The following PRMT9 variants were observed in gnomAD, a reference collection of about 807,000 sequenced individuals.
PRMT9 encodes the protein protein arginine methyltransferase 9, also known as protein arginine N-methyltransferase 9.
PRMT9 carries 59 observed loss-of-function variants against 83.2 expected under a neutral mutation model. The observed-to-expected ratio is 0.71, with a 90% CI of 0.57 to 0.88. The LOEUF (loss-of-function observed/expected upper bound fraction) is 0.88. Ranked by LOEUF, PRMT9 falls within the 40% of genes least tolerant of loss-of-function variation. The pLI is 0.00. For synonymous variants in PRMT9, 333 were observed against 353.2 expected (o/e 0.94, Z 0.64); for missense variants, 947 against 1,021.9 (o/e 0.93, Z 1.00).
chr4:147,673,252 C>T (rs992691038), intron 3 of PRMT9, 126 bp from the exon 4 acceptor site: 1 of 788,586 alleles, frequency 1.3e-6, no homozygotes, highest in African/African-American at 1.7e-5. Context: ...ATTACTCACT[C>T]TGCATTAAAA....
chr4:147,680,584 C>A, intron 1 of PRMT9, 113 bp from the exon 2 acceptor site: 2 of 804,370 alleles, frequency 2.5e-6, no homozygotes, highest in South Asian at 3.2e-5. Flanking sequence ...TGAACAATCA[C>A]CTTAAACTTC....
Position 147,654,262 on chromosome 4 carries a change from C to A in PRMT9, c.1635G>T (p.Leu545Phe), listed in dbSNP as rs1185883159. ...ACAGTTTCTCTGGAGTCAGTGAAGA[C>A]AAAACTTTGCTCATTGCCATTTTAA... is the stretch of plus-strand genomic sequence containing the variant. ...EGFKMAMSKVLSSLTPEKLYQ... is the reference protein window; with the variant it reads ...EGFKMAMSKVFSSLTPEKLYQ... The change falls in exon 9 of 12, where the codon TTG (leucine) becomes TTT (phenylalanine). Residue 545 changes from leucine (L) to phenylalanine (F), a missense_variant. Physicochemically the swap from Leu to Phe is conservative, Grantham distance 22. Coordinates refer to ENST00000322396, the MANE Select transcript of PRMT9 (RefSeq NM_138364.4). The A allele has an allele frequency of 5.6e-6, 9 of 1,614,058 alleles. No individual in the cohort carries two copies. Among genetic ancestry groups the A allele is most frequent in the Non-Finnish European group, 6.8e-6 (8 of 1,180,036 alleles).
chr4:147,678,998 T>C (rs1736280717), intron 2 of PRMT9, among the ~76,000 whole-genome samples: 2 of 152,352 alleles, frequency 1.3e-5, no homozygotes, highest in East Asian at 1.9e-4. Context: ...TCAGCAAATC[T>C]GGGAGTGGTT....
chr4:147,652,692 T>C (rs1214823934), intron 9 of PRMT9, among the ~76,000 whole-genome samples: 10 of 119,742 alleles, frequency 8.4e-5, no homozygotes, highest in Non-Finnish European at 1.4e-4. Flanking sequence ...CCAGACCCCA[T>C]TCTACCCTAC....
At chr4:147,676,905 G>A (rs1009247562) in intron 2 of PRMT9, among the ~76,000 whole-genome samples, 8 of 151,930 alleles carry the variant, frequency 5.3e-5, no homozygotes, top group African/African-American at 1.9e-4. Context: ...TTAGCCGGGC[G>A]TGGTGGCATG....
chr4:147,679,549 A>G (rs142384632), intron 2 of PRMT9, among the ~76,000 whole-genome samples: 1,709 of 152,148 alleles, frequency 0.011, 33 homozygotes, highest in African/African-American at 0.039. Flanking sequence ...GGAGTTCGAG[A>G]CCAGCCTGGC....
rs1734344549 is a variant in PRMT9, at chr4:147,654,448, A to G, written c.1449T>C (p.Ser483=). The change falls in exon 9 of 12, where the codon AGT becomes AGC. Residue 483 remains serine (S), a synonymous_variant. Coordinates refer to ENST00000322396, the MANE Select transcript of PRMT9 (RefSeq NM_138364.4). ...ATAACAAGTCTTTATTCTGGGTAAA[A>G]CTTTTTGCAACATCCATTTCACATT... ...GLECEMDVAK[S]FTQNKDLLSL... is the part of the protein sequence containing the mutation. 9.3e-6 allele frequency: 15 copies of G among 1,613,854 alleles called. No individual in the cohort carries two copies. Among genetic ancestry groups the G allele is most frequent in the Admixed American group, 1.7e-5 (1 of 59,990 alleles).
At chr4:147,669,695 C>CAA (rs879630276) in intron 5 of PRMT9, among the ~76,000 whole-genome samples, 1 of 141,798 alleles carries the variant, frequency 7.1e-6, no homozygotes, top group Non-Finnish European at 1.5e-5. Flanking sequence ...GTTGCTACTT[C>CAA]AAAAAAAAAA....
rs564300383 is a variant in PRMT9, at chr4:147,678,494, A to T, written c.338+1829T>A. ...GCACATGTACTAGTATGCAGAGTTA[A>T]CATAGCAGGCCTGACTGCCATCCTT... On this transcript the variant is annotated intron_variant, in intron 2 of 11. Transcript: ENST00000322396. 2.0e-4 allele frequency among the ~76,000 whole-genome samples: 31 copies of T among 152,346 alleles called. 1 individual carries two copies. The South Asian group carries it at 6.4e-3, about 32-fold the overall frequency.
chr4:147,661,748 C>G (rs1229706905), intron 6 of PRMT9, among the ~76,000 whole-genome samples: 1 of 128,068 alleles, frequency 7.8e-6, no homozygotes, highest in Admixed American at 1.0e-4. Flanking sequence ...CGAGATCACG[C>G]CACTGCACTC....
intron 6 of PRMT9, among the ~76,000 whole-genome samples, chr4:147,665,517 T>G (rs1735269149): frequency 6.6e-6 from 1 of 152,222 alleles, no homozygotes. Flanking sequence ...TGTGTCCTTT[T>G]GCTCCCCTTT....
At chr4:147,668,694 G>C in intron 5 of PRMT9, 49 bp from the exon 6 acceptor site, 1 of 1,033,048 alleles carries the variant, frequency 9.7e-7, no homozygotes, top group Non-Finnish European at 1.5e-6. Flanking sequence ...ATGTAAAAAT[G>C]TGTGTGCATA....
At chr4:147,665,921 C>T (rs1735300339) in intron 6 of PRMT9, among the ~76,000 whole-genome samples, 1 of 152,180 alleles carries the variant, frequency 6.6e-6, no homozygotes, top group Admixed American at 6.5e-5. Context: ...TCCTTGTACA[C>T]ACATCACTGC....
At chr4:147,663,352 C>G (rs1368295096) in intron 6 of PRMT9, among the ~76,000 whole-genome samples, 1 of 150,870 alleles carries the variant, frequency 6.6e-6, no homozygotes, top group African/African-American at 2.4e-5. Flanking sequence ...CAAGTTGAAA[C>G]AAAAAAGATG....
At chr4:147,682,898 C>A (rs1253133403) in intron 1 of PRMT9, among the ~76,000 whole-genome samples, 1 of 152,196 alleles carries the variant, frequency 6.6e-6, no homozygotes, top group African/African-American at 2.4e-5. Flanking sequence ...CTGCAATGCA[C>A]AGGACACCTC....
intron 3 of PRMT9, 147 bp downstream of exon 3, chr4:147,673,491 G>C: frequency 1.5e-6 from 1 of 677,104 alleles, no homozygotes; most frequent in African/African-American, 1.8e-5. Flanking sequence ...AAAAGTTATA[G>C]TAAAAAACAT....
chr4:147,640,239 A>G (rs1255316663), intron 10 of PRMT9, among the ~76,000 whole-genome samples: 1 of 151,380 alleles, frequency 6.6e-6, no homozygotes, highest in Non-Finnish European at 1.5e-5. Flanking sequence ...CACTTGGCTA[A>G]TATTTGTATT....
chr4:147,657,397 C>T (rs1038972356), intron 8 of PRMT9, among the ~76,000 whole-genome samples: 1 of 151,838 alleles, frequency 6.6e-6, no homozygotes, highest in Non-Finnish European at 1.5e-5. Context: ...CAGCAGCGGG[C>T]GCCTGTAGTC....
At chr4:147,678,146 T>C (rs1438299403) in intron 2 of PRMT9, among the ~76,000 whole-genome samples, 1 of 152,200 alleles carries the variant, frequency 6.6e-6, no homozygotes, top group Non-Finnish European at 1.5e-5. Flanking sequence ...AGATTGATTG[T>C]TAAGAACTAA....
Sources: gnomAD v4.1 joint callset for allele counts (sites outside exome capture counted in the v4.1 genomes callset) on GRCh38, gnomAD v4.1.1 for gene constraint, MANE v1.5 for transcripts, NCBI Gene and HGNC (gene_info 2026-07-23, HGNC 2026-07-21) for gene names.